LILRB4: variants seen among roughly 807,000 people sequenced by gnomAD.
The protein encoded by LILRB4 is leukocyte immunoglobulin-like receptor subfamily B member 4.
Under a neutral mutation model 55.2 loss-of-function variants are expected in LILRB4, and 49 were observed. The observed-to-expected ratio is 0.89, with a 90% CI of 0.71 to 1.13. The LOEUF is 1.13. Ranked by LOEUF, LILRB4 falls within the 50% of genes most tolerant of loss-of-function variation. LILRB4 has a pLI of 0.00. For synonymous variants in LILRB4, 229 were observed against 213.8 expected (o/e 1.07, Z -0.62); for missense variants, 590 against 555.2 (o/e 1.06, Z -0.63).
chr19:54,663,261 AC>A (rs2065087574), intron 1 of LILRB4, among the ~76,000 whole-genome samples, 194 bp downstream of exon 1: 1 of 151,846 alleles, frequency 6.6e-6, no homozygotes, highest in Non-Finnish European at 1.5e-5. Context: ...CCTGGCTAAC[AC>A]GGTGAAACCC....
chr19:54,667,083 G>A, intron 10 of LILRB4: 1 of 621,420 alleles, frequency 1.6e-6, no homozygotes. Flanking sequence ...TGTTCCCAGG[G>A]AGCTCACTGT....
intron 10 of LILRB4, chr19:54,667,102 C>T (rs576462271): frequency 1.0e-4 from 63 of 605,966 alleles, no homozygotes; most frequent in Non-Finnish European, 1.8e-4. Context: ...GTGGATGGGG[C>T]TCCCCATGGG....
chr19:54,668,218 A>G, exon 12 of LILRB4: 1 of 595,092 alleles, frequency 1.7e-6, no homozygotes, highest in South Asian at 2.4e-5. Flanking sequence ...AAAGTAGCAG[A>G]CCTCTCAATT....
intron 1 of LILRB4, 136 bp from the exon 2 acceptor site, chr19:54,663,396 A>G: frequency 7.6e-7 from 1 of 1,310,234 alleles, no homozygotes; most frequent in South Asian, 1.5e-5. Flanking sequence ...CAGTGAGCCA[A>G]GATCGCACCA....
chr19:54,667,780 A>G, exon 11 of LILRB4: 1 of 1,610,544 alleles, frequency 6.2e-7, no homozygotes, highest in Non-Finnish European at 8.5e-7. Context: ...GAGGACAGAC[A>G]GATGGACACT....
At chr19:54,663,349 GGC>G (rs2065093373) in intron 1 of LILRB4, among the ~76,000 whole-genome samples, 181 bp from the exon 2 acceptor site, 1 of 151,148 alleles carries the variant, frequency 6.6e-6, no homozygotes, top group African/African-American at 2.4e-5. Flanking sequence ...GGGAGGCTGA[GGC>G]AGGAGAATGG....
At position 54,663,607 on chromosome 19, in the gene LILRB4, C is replaced by A. The variant is rs571742197; in HGVS notation, c.70+40C>A. ...AGCTGTCCCAGGTCCCTCCTCCTCACTGGGACAAGGGGCCACCCATGGGCA... is the reference window on the plus strand; with the variant it reads ...AGCTGTCCCAGGTCCCTCCTCCTCAATGGGACAAGGGGCCACCCATGGGCA... On this transcript the variant is annotated intron_variant, in intron 2 of 11. Coordinates refer to ENST00000430952, the Ensembl canonical transcript of LILRB4. 3.7e-6 allele frequency: 6 copies of A among 1,613,054 alleles called. No individual in the cohort carries two copies. In the South Asian group the frequency reaches 6.6e-5, roughly 18 times the overall value.
rs1446835488 is a variant in LILRB4, at chr19:54,665,977, C to T, written c.874+46C>T. The T allele has an allele frequency of 3.1e-6, 5 of 1,612,054 alleles. No individual in the cohort carries two copies. Among genetic ancestry groups the T allele is most frequent in the Non-Finnish European group, 4.2e-6 (5 of 1,178,724 alleles). On this transcript the variant is annotated intron_variant, in intron 7 of 11. Coordinates refer to ENST00000430952, the Ensembl canonical transcript of LILRB4. This position sits in a 1 kb window ranked among gnomAD's most constrained non-coding sequence, Gnocchi z 5.5. ...CCCGTGGGCTGATGGAGGGTGGGCT[C>T]AGGGCACCAGCCAAAGGGACTCCAG...
intron 10 of LILRB4, chr19:54,667,321 G>C: frequency 1.7e-6 from 1 of 595,878 alleles, no homozygotes; most frequent in South Asian, 1.9e-5. Context: ...GAGAAGCCTG[G>C]ACGGAGAGGG....
rs1167609461 is a variant in LILRB4 at position 54,665,465 on chromosome 19, TG to T, written c.757+289del. ...CCCACCTGCAGCAGAGACGGTGACC[TG>T]GGGCAGGGGAGGGGAGCAGGGCGGT... On this transcript the variant is annotated intron_variant, in intron 6 of 11. Coordinates refer to ENST00000430952, the Ensembl canonical transcript of LILRB4. The surrounding 1 kb of genome is among the most constrained non-coding windows in gnomAD (Gnocchi z 5.5). 5.9e-5 allele frequency among the ~76,000 whole-genome samples: 9 copies of T among 151,634 alleles called. No homozygotes were observed. Among genetic ancestry groups the T allele is most frequent in the African/African-American group, 2.2e-4 (9 of 41,238 alleles).
At position 54,663,443 on chromosome 19, in the gene LILRB4, CAAAAAA is replaced by C. The variant is rs61542200; in HGVS notation, c.35-73_35-68del. ...CCTGGGTGACAGCGAGACTCCGTCTCAAAAAAAAAAAAAAAAAAAAATCTCAGGGTA... is the reference window on the plus strand; with the variant it reads ...CCTGGGTGACAGCGAGACTCCGTCTCAAAAAAAAAAAAAAATCTCAGGGTA... On this transcript the variant is annotated intron_variant, in intron 1 of 11. Transcript: ENST00000430952. 890 of 955,022 alleles carry C rather than the reference CAAAAAA, an allele frequency of 9.3e-4. 9 individuals are homozygous for C. In the Admixed American group the frequency reaches 0.028, roughly 31 times the overall value. The allele number at this position is 955,022 out of a possible 1,614,324, so 59.2% of individuals were successfully genotyped here.
At position 54,666,647 on chromosome 19, in the gene LILRB4, G is replaced by C; in HGVS notation, c.989-50G>C. 4 of 1,583,900 alleles carry C rather than the reference G, an allele frequency of 2.5e-6. No homozygotes were observed. Among genetic ancestry groups the C allele is most frequent in the Non-Finnish European group, 3.5e-6 (4 of 1,155,006 alleles). On this transcript the variant is annotated intron_variant, in intron 9 of 11. Coordinates refer to ENST00000430952, the Ensembl canonical transcript of LILRB4. This position sits in a 1 kb window ranked among gnomAD's most constrained non-coding sequence, Gnocchi z 4.8. ...AGGGCAGGGACCAGCAGGAATGAGAGGTCCCAGGGAACCTTCCCAGGAGAT... is the reference window on the plus strand; with the variant it reads ...AGGGCAGGGACCAGCAGGAATGAGACGTCCCAGGGAACCTTCCCAGGAGAT...
rs201823776 is a variant in LILRB4, at chr19:54,667,909, G to C, written c.1234G>C (p.Ala412Pro). 3 of 1,605,840 alleles carry C rather than the reference G, an allele frequency of 1.9e-6. No homozygotes were observed. The East Asian group carries it at 6.8e-5, about 36-fold the overall frequency. ...TGAAGCCCCCCAGGATGTGACCTAC[G>C]CCCGGCTGCACAGCTTTACCCTCAG... Residue 412 changes from alanine to proline, a missense_variant, in exon 12 of 12, where the codon GCC (alanine) becomes CCC (proline). By Grantham distance (27) the Ala-to-Pro change is conservative. Transcript: ENST00000430952.
At chr19:54,663,809 G>A (rs775831330) in exon 3 of LILRB4, 131 of 1,614,162 alleles carry the variant, frequency 8.1e-5, no homozygotes, top group Non-Finnish European at 9.9e-5. Flanking sequence ...TCAGCTGGGG[G>A]AACTCTGTGA....
In LILRB4 at chr19:54,665,824, G is replaced by A. The variant is rs1176826940; in HGVS notation, c.767G>A (p.Arg256Lys). ...TGTCATCACGCCCAAGGTCTGAGAA[G>A]GCACTGGGAGGTACTGATCGGGGTC... Residue 256 changes from arginine to lysine, a missense_variant, in exon 7 of 12, where the codon AGG (arginine) becomes AAG (lysine). Coordinates refer to ENST00000430952, the Ensembl canonical transcript of LILRB4. The surrounding 1 kb of genome is among the most constrained non-coding windows in gnomAD (Gnocchi z 5.5). 1.9e-6 allele frequency: 3 copies of A among 1,607,548 alleles called. No homozygotes were observed. The highest frequency in any genetic ancestry group is 1.1e-5 in the South Asian group (1 of 89,848).
chr19:54,667,511 T>G, intron 10 of LILRB4, 124 bp from the exon 11 acceptor site: 1 of 1,527,504 alleles, frequency 6.5e-7, no homozygotes, highest in Non-Finnish European at 8.8e-7. Flanking sequence ...TCCACGGCCT[T>G]AGGGCATCCC....
At chr19:54,663,202 T>C in intron 1 of LILRB4, 135 bp downstream of exon 1, 1 of 1,022,368 alleles carries the variant, frequency 9.8e-7, no homozygotes, top group Non-Finnish European at 1.4e-6. Context: ...ATCCCAGCAC[T>C]TTGGGAGGCC....
chr19:54,667,988 C>A (rs751649825), exon 12 of LILRB4: 4 of 1,614,146 alleles, frequency 2.5e-6, no homozygotes, highest in Non-Finnish European at 3.4e-6. Context: ...CCAGCTGAGC[C>A]CAGTGTCTAT....
chr19:54,666,447 G>T lies in LILRB4; in HGVS notation c.988+11G>T, dbSNP rs367944854. On this transcript the variant is annotated intron_variant, in intron 9 of 11. Coordinates refer to ENST00000430952, the Ensembl canonical transcript of LILRB4. This position sits in a 1 kb window ranked among gnomAD's most constrained non-coding sequence, Gnocchi z 4.8. ...AGGGAGAAAACTTCTGTGAGTGAGA[G>T]GCAGAGAAGGTGCACCTGGGGTGGA... 2 of 1,613,982 alleles carry T rather than the reference G, an allele frequency of 1.2e-6. No homozygotes were observed. The highest frequency in any genetic ancestry group is 1.7e-6 in the Non-Finnish European group (2 of 1,179,940).
Sources: gnomAD v4.1 joint callset for allele counts (sites outside exome capture counted in the v4.1 genomes callset) on GRCh38, gnomAD v4.1.1 for gene constraint, Gnocchi (gnomAD v3.1) non-coding constraint, MANE v1.5 for transcripts, NCBI Gene and HGNC (gene_info 2026-07-23, HGNC 2026-07-21) for gene names.